The following PLXNA2 variants were observed in gnomAD, a reference collection of about 807,000 sequenced individuals.
PLXNA2 encodes plexin A2, also known as plexin-A2.
A neutral mutation model predicts 193.5 loss-of-function variants in PLXNA2; 91 were observed. That is an observed-to-expected ratio of 0.47 (90% CI 0.40 to 0.56). PLXNA2 has a LOEUF of 0.56. PLXNA2 is among the 20% of genes least tolerant of loss of function. The pLI is 0.00. For synonymous variants in PLXNA2, 997 were observed against 1,027.3 expected, an observed-to-expected ratio of 0.97 and a Z score of 0.56; for missense variants, 1,995 against 2,503.2, an observed-to-expected ratio of 0.80 and a Z score of 4.33.
At chr1:208,226,135 CATG>C (rs558518725) in intron 1 of PLXNA2, among the ~76,000 whole-genome samples, 30 of 152,310 alleles carry the variant, frequency 2.0e-4, no homozygotes, top group African/African-American at 7.0e-4. Flanking sequence ...TTGCTCTGCC[CATG>C]ATAGCTTTGG....
chr1:208,226,149 G>A (rs2102629207), intron 1 of PLXNA2, among the ~76,000 whole-genome samples: 1 of 152,278 alleles, frequency 6.6e-6, no homozygotes, highest in African/African-American at 2.4e-5. Flanking sequence ...ATAGCTTTGG[G>A]ATGCGAATTA....
At chr1:208,128,697 T>G (rs1331958551) in intron 4 of PLXNA2, among the ~76,000 whole-genome samples, 1 of 6,004 alleles carries the variant, frequency 1.7e-4, no homozygotes, top group African/African-American at 4.2e-4. Flanking sequence ...GTTTCTTTCT[T>G]TTTTTTTTTT....
In PLXNA2 at chr1:208,210,415, G is replaced by A; in HGVS notation, c.1236C>T (p.Pro412=). Residue 412 remains proline, a synonymous_variant, in exon 3 of 32, where the codon CCC becomes CCT. Transcript: ENST00000367033. ...DNFCGLDINQ[P]LGGSTPVEGL... ...CCTCCACTGGAGTTGAGCCTCCCAG[G>A]GGCTGGTTGATGTCCAGTCCACAGA... The A allele has an allele frequency of 3.1e-6, 5 of 1,613,988 alleles. No homozygotes were observed. Among genetic ancestry groups the A allele is most frequent in the Non-Finnish European group, 4.2e-6 (5 of 1,179,962 alleles).
At chr1:208,054,794 C>T (rs1167199320) in intron 13 of PLXNA2, among the ~76,000 whole-genome samples, 1 of 152,226 alleles carries the variant, frequency 6.6e-6, no homozygotes, top group East Asian at 1.9e-4. Context: ...TGCTCTGCTG[C>T]CTAATTCTGT....
rs556295371 is a variant in PLXNA2 at position 208,060,852 on chromosome 1, T to C, written c.2587-15A>G. 1 of 1,612,750 alleles carries C rather than the reference T, an allele frequency of 6.2e-7. No individual in the cohort carries two copies. The highest frequency in any genetic ancestry group is 1.3e-5 in the African/African-American group (1 of 74,890). Reference sequence around the variant, plus strand: ...ACCGTCAAAATCTGCAGGAGGGAAATGGGATTAGCAATTTGGTTTGGTCAC... The same window carrying C: ...ACCGTCAAAATCTGCAGGAGGGAAACGGGATTAGCAATTTGGTTTGGTCAC... On this transcript the variant is annotated splice_polypyrimidine_tract_variant and intron_variant, in intron 12 of 31. Transcript: ENST00000367033.
intron 3 of PLXNA2, among the ~76,000 whole-genome samples, chr1:208,157,457 A>G (rs1668972397): frequency 6.6e-6 from 1 of 152,216 alleles, no homozygotes; most frequent in Non-Finnish European, 1.5e-5. Context: ...ACATTGCCTC[A>G]AAATATTCTC....
intron 9 of PLXNA2, among the ~76,000 whole-genome samples, chr1:208,086,485 T>C (rs1206944960): frequency 6.6e-6 from 1 of 151,926 alleles, no homozygotes; most frequent in African/African-American, 2.4e-5. Context: ...CTAAGGATAA[T>C]TTACTACTGA....
chr1:208,185,594 C>G (rs1213163438), intron 3 of PLXNA2, among the ~76,000 whole-genome samples: 1 of 151,176 alleles, frequency 6.6e-6, no homozygotes, highest in African/African-American at 2.4e-5. Context: ...AGTAACCCAA[C>G]CTCTTCAGCC....
intron 12 of PLXNA2, among the ~76,000 whole-genome samples, chr1:208,070,419 T>C (rs553424318): frequency 1.3e-5 from 2 of 152,300 alleles, no homozygotes; most frequent in South Asian, 2.1e-4. Context: ...TGCCCCTTTG[T>C]CTCTTCCTGT....
intron 12 of PLXNA2, among the ~76,000 whole-genome samples, chr1:208,067,891 G>A (rs1410835171): frequency 1.3e-5 from 2 of 152,196 alleles, no homozygotes; most frequent in Admixed American, 1.3e-4. Context: ...AAGCCTCTAT[G>A]CATTTGACAT....
At chr1:208,159,800 G>T (rs908199575) in intron 3 of PLXNA2, among the ~76,000 whole-genome samples, 1 of 152,220 alleles carries the variant, frequency 6.6e-6, no homozygotes, top group African/African-American at 2.4e-5. Flanking sequence ...AGAGAGGAAG[G>T]GGCAGGAACT....
chr1:208,050,981 A>G (rs751339185), intron 17 of PLXNA2, 28 bp downstream of exon 17: 34 of 1,533,356 alleles, frequency 2.2e-5, no homozygotes, highest in Middle Eastern at 1.7e-4. Flanking sequence ...TGTTTACCAA[A>G]GGCTGGGGCA....
chr1:208,160,492 T>C (rs184778473), intron 3 of PLXNA2, among the ~76,000 whole-genome samples: 1 of 152,344 alleles, frequency 6.6e-6, no homozygotes, highest in East Asian at 1.9e-4. Context: ...CAGCCAGATA[T>C]CTGATACTCA....
chr1:208,091,775 C>A (rs779433587), intron 9 of PLXNA2, among the ~76,000 whole-genome samples: 1 of 150,248 alleles, frequency 6.7e-6, no homozygotes, highest in Non-Finnish European at 1.5e-5. Flanking sequence ...GTGGCTGAGG[C>A]AGGAGAATTG....
Position 208,195,651 on chromosome 1 carries a change from T to TG in PLXNA2, c.1371+14628dup, listed in dbSNP as rs35681950. On this transcript the variant is annotated intron_variant, in intron 3 of 31. Coordinates refer to ENST00000367033, the MANE Select transcript of PLXNA2 (RefSeq NM_025179.4). ...AAAAGGATAGTCATAAAATGTTTTT[T>TG]GGGGGGGGGGGTTAGGGGTGGGCAA... Among the ~76,000 whole-genome samples the TG allele has an allele frequency of 5.8e-3, 636 of 109,094 alleles. 10 individuals carry two copies. Among genetic ancestry groups the TG allele is most frequent in the South Asian group, 0.057 (182 of 3,214 alleles). 71.6% of individuals were successfully genotyped at this position (109,094 alleles called of 152,430 possible).
At chr1:208,207,273 T>C (rs1260925999) in intron 3 of PLXNA2, among the ~76,000 whole-genome samples, 5 of 152,236 alleles carry the variant, frequency 3.3e-5, no homozygotes, top group Admixed American at 3.3e-4. Context: ...CCCAAAGTGC[T>C]GGGATTATAG....
At chr1:208,122,523 T>A (rs4503346) in intron 4 of PLXNA2, among the ~76,000 whole-genome samples, 146,299 of 152,280 alleles carry the variant, frequency 0.96, 70,556 homozygotes, top group East Asian at 1. Context: ...ATAATAATTT[T>A]TAATAATATT....
chr1:208,051,509 C>T, intron 15 of PLXNA2, 86 bp from the exon 16 acceptor site: 2 of 1,108,252 alleles, frequency 1.8e-6, no homozygotes, highest in South Asian at 1.5e-5. Flanking sequence ...TTTCCTTGGT[C>T]TGCGGGTAAG....
intron 4 of PLXNA2, among the ~76,000 whole-genome samples, chr1:208,127,809 CG>C (rs1187040659): frequency 6.6e-6 from 1 of 151,650 alleles, no homozygotes; most frequent in Non-Finnish European, 1.5e-5. Context: ...CTCAGTAAAA[CG>C]GGGTGAGAAG....
Sources: gnomAD v4.1 joint callset for allele counts (sites outside exome capture counted in the v4.1 genomes callset) on GRCh38, gnomAD v4.1.1 for gene constraint, MANE v1.5 for transcripts, NCBI Gene and HGNC (gene_info 2026-07-23, HGNC 2026-07-21) for gene names.